SYT14: variants seen among roughly 807,000 people sequenced by gnomAD.
SYT14 encodes the protein synaptotagmin-14.
In SYT14, 32 loss-of-function variants were observed where a neutral mutation model predicts 74.2. The ratio of observed to expected loss-of-function variants is 0.43; its 90% confidence interval spans 0.33 to 0.58. SYT14 has a LOEUF of 0.58. SYT14 is among the 20% of genes least tolerant of loss of function. SYT14 has a pLI of 0.05. For synonymous variants in SYT14, 298 were observed against 337.7 expected, an observed-to-expected ratio of 0.88 and a Z score of 1.29; for missense variants, 791 against 981.8, an observed-to-expected ratio of 0.81 and a Z score of 2.60.
intron 5 of SYT14, among the ~76,000 whole-genome samples, chr1:210,066,728 A>G (rs2081303072): frequency 6.6e-6 from 1 of 151,992 alleles, no homozygotes; most frequent in Admixed American, 6.6e-5. Flanking sequence ...TTTTTAGTTT[A>G]ATTAGATCCC....
At chr1:209,941,194 G>A (rs991763011) in intron 1 of SYT14, among the ~76,000 whole-genome samples, 9 of 152,006 alleles carry the variant, frequency 5.9e-5, no homozygotes, top group African/African-American at 2.2e-4. Flanking sequence ...TTTCTACTAA[G>A]TAATCATTCA....
At chr1:210,107,271 C>T (rs930630697) in intron 7 of SYT14, among the ~76,000 whole-genome samples, 6 of 152,352 alleles carry the variant, frequency 3.9e-5, no homozygotes, top group African/African-American at 1.2e-4. Context: ...AACAGCCCTC[C>T]TGACAGCTAG....
At chr1:210,010,937 G>A (rs1484756288) in intron 2 of SYT14, among the ~76,000 whole-genome samples, 1 of 152,160 alleles carries the variant, frequency 6.6e-6, no homozygotes, top group African/African-American at 2.4e-5. Flanking sequence ...TATGTAAAGT[G>A]CTTAAAACAG....
intron 5 of SYT14, among the ~76,000 whole-genome samples, chr1:210,083,003 C>T (rs1237642462): frequency 6.7e-6 from 1 of 149,902 alleles, no homozygotes; most frequent in Non-Finnish European, 1.5e-5. Flanking sequence ...TTTTTTGAGA[C>T]GGATTTTCAC....
intron 2 of SYT14, among the ~76,000 whole-genome samples, chr1:210,005,691 G>C (rs1465053178): frequency 2.0e-5 from 3 of 151,840 alleles, no homozygotes; most frequent in African/African-American, 2.4e-5. Flanking sequence ...AACTTCATTA[G>C]AATCATAATT....
At chr1:210,042,576 A>G (rs1390634670) in intron 5 of SYT14, among the ~76,000 whole-genome samples, 1 of 152,206 alleles carries the variant, frequency 6.6e-6, no homozygotes, top group African/African-American at 2.4e-5. Context: ...TTTTCTGCTT[A>G]TGGCTAGCCA....
intron 7 of SYT14, among the ~76,000 whole-genome samples, chr1:210,124,860 T>A (rs2082535038): frequency 2.0e-5 from 3 of 152,188 alleles, no homozygotes; most frequent in South Asian, 4.2e-4. Flanking sequence ...CTTTCTAGTT[T>A]TTTTTGTGTG....
At chr1:209,958,124 T>A (rs1321954418) in intron 2 of SYT14, among the ~76,000 whole-genome samples, 1 of 152,160 alleles carries the variant, frequency 6.6e-6, no homozygotes, top group Non-Finnish European at 1.5e-5. Flanking sequence ...TTCATTTTTT[T>A]AATGGTTAAG....
chr1:210,072,398 T>C (rs1278521548), intron 5 of SYT14, among the ~76,000 whole-genome samples: 1 of 151,980 alleles, frequency 6.6e-6, no homozygotes, highest in African/African-American at 2.4e-5. Context: ...ATGCTTTTAA[T>C]TAGTTGCCAA....
chr1:210,167,378 T>C (rs1356451323), exon 10 of SYT14: 1 of 152,236 alleles, frequency 6.6e-6, no homozygotes, highest in East Asian at 1.9e-4. Flanking sequence ...CTTGATTGTT[T>C]TGTTCTTAGG....
At chr1:210,008,975 G>A (rs558110012) in intron 2 of SYT14, among the ~76,000 whole-genome samples, 1 of 152,250 alleles carries the variant, frequency 6.6e-6, no homozygotes, top group African/African-American at 2.4e-5. Context: ...GAAGAAGAAT[G>A]GTCTTGGGCC....
chr1:210,168,161 CTG>C (rs1401706537), exon 10 of SYT14: 1 of 152,506 alleles, frequency 6.6e-6, no homozygotes, highest in Non-Finnish European at 1.5e-5. Context: ...AGGAAGGAAA[CTG>C]ATTATTCGTC....
At chr1:210,050,737 C>G (rs1026675087) in intron 5 of SYT14, among the ~76,000 whole-genome samples, 2 of 152,182 alleles carry the variant, frequency 1.3e-5, no homozygotes, top group Non-Finnish European at 2.9e-5. Context: ...TACAGGGAAA[C>G]TCCCCTTCTA....
chr1:210,126,855 T>A (rs2082579715), intron 7 of SYT14, among the ~76,000 whole-genome samples: 1 of 152,220 alleles, frequency 6.6e-6, no homozygotes, highest in South Asian at 2.1e-4. Context: ...TATGGTTCTG[T>A]ACCCTAGGAT....
At position 210,020,855 on chromosome 1, in the gene SYT14, A is replaced by ATG. The variant is rs200518704; in HGVS notation, c.1097-183_1097-182insGT. The stretch of plus-strand genomic sequence containing the variant: ...TGAAAATTCAGGTTGTGTATAATAT[A>ATG]TATGTGTGTGTGTGTGTATATATGT... On this transcript the variant is annotated intron_variant, in intron 4 of 9. Coordinates refer to ENST00000637265, the Ensembl canonical transcript of SYT14. Among the ~76,000 whole-genome samples, 4,122 of 142,880 alleles carry ATG rather than the reference A, an allele frequency of 0.029. 198 individuals carry two copies. Among genetic ancestry groups the ATG allele is most frequent in the African/African-American group, 0.12 (3,864 of 32,446 alleles). 93.7% of individuals were successfully genotyped at this position (142,880 alleles called of 152,430 possible). A position where few individuals can be genotyped will look rare whatever the true frequency, so the allele number is the denominator to read the frequency against.
At chr1:210,104,729 A>G (rs1291039303) in intron 7 of SYT14, among the ~76,000 whole-genome samples, 2 of 152,210 alleles carry the variant, frequency 1.3e-5, no homozygotes, top group Non-Finnish European at 2.9e-5. Context: ...TGATTGATTA[A>G]TAATGAAACT....
intron 6 of SYT14, 80 bp downstream of exon 5, chr1:210,094,673 G>A: frequency 6.7e-7 from 1 of 1,484,320 alleles, no homozygotes; most frequent in Non-Finnish European, 9.3e-7. Context: ...TTGGTAAGAA[G>A]AATTGATTTT....
At chr1:210,115,415 A>G (rs1322125741) in intron 7 of SYT14, among the ~76,000 whole-genome samples, 1 of 151,316 alleles carries the variant, frequency 6.6e-6, no homozygotes, top group African/African-American at 2.5e-5. Context: ...GGATCAAGGC[A>G]GGCATCCCTG....
intron 7 of SYT14, among the ~76,000 whole-genome samples, chr1:210,109,706 G>T (rs2082225978): frequency 6.6e-6 from 1 of 152,178 alleles, no homozygotes; most frequent in African/African-American, 2.4e-5. Flanking sequence ...GGAAGACAGT[G>T]TGATGATTCC....
Sources: allele counts gnomAD v4.1 joint callset (sites outside exome capture counted in the v4.1 genomes callset), GRCh38; gene constraint gnomAD v4.1.1; transcripts MANE v1.5; gene names NCBI Gene and HGNC (gene_info 2026-07-23, HGNC 2026-07-21).